The following HMBOX1 variants were observed in gnomAD, a reference collection of about 807,000 sequenced individuals.
The protein encoded by HMBOX1 is homeobox containing 1.
HMBOX1 carries 14 observed loss-of-function variants against 54.5 expected under a neutral mutation model. The observed-to-expected ratio is 0.26, with a 90% confidence interval of 0.17 to 0.40. HMBOX1 has a LOEUF of 0.40. HMBOX1 is among the 10% of genes least tolerant of loss of function. The probability of loss-of-function intolerance (pLI) is 1.00; values close to 1 mark genes in which losing one functional copy is unlikely to be tolerated. For synonymous variants in HMBOX1, 160 were observed against 181.0 expected (o/e 0.88, Z 0.93); for missense variants, 332 against 514.4 (o/e 0.65, Z 3.43).
intron 2 of HMBOX1, among the ~76,000 whole-genome samples, chr8:28,967,252 T>C (rs1294381359): frequency 6.6e-6 from 1 of 152,196 alleles, no homozygotes; most frequent in Non-Finnish European, 1.5e-5. Flanking sequence ...GAACATGTGC[T>C]TGGAAAGAAT....
intron 4 of HMBOX1, among the ~76,000 whole-genome samples, chr8:28,995,938 T>TAA (rs937134553): frequency 6.6e-6 from 1 of 150,478 alleles, no homozygotes; most frequent in Non-Finnish European, 1.5e-5. Context: ...CCGTCTCTAC[T>TAA]AAAAAAAAAT....
intron 1 of HMBOX1, among the ~76,000 whole-genome samples, chr8:28,957,781 C>G (rs1249627929): frequency 6.6e-6 from 1 of 151,910 alleles, no homozygotes; most frequent in African/African-American, 2.4e-5. Context: ...TGCCACCATG[C>G]CCAGCTAATT....
At chr8:28,890,195 C>T (rs1279053653), upstream of HMBOX1, 7 of 387,034 alleles carry the variant, frequency 1.8e-5, no homozygotes, top group Non-Finnish European at 3.4e-5. Flanking sequence ...GGCCTGGGGC[C>T]CATGGTGTTC....
rs372756494 is a variant in HMBOX1 at position 28,945,881 on chromosome 8, T to C, written c.-57-17930T>C. ...GTACAATTTACCCATTTAAAGTATA[T>C]AGGTCAAAGAATTTTACTATATTCA... On this transcript the variant is annotated intron_variant, in intron 1 of 9. Transcript: ENST00000287701. Among the ~76,000 whole-genome samples the C allele has an allele frequency of 4.5e-4, 68 of 151,626 alleles. No homozygotes were observed. In the East Asian group the frequency reaches 0.012, roughly 26 times the overall value.
intron 2 of HMBOX1, among the ~76,000 whole-genome samples, chr8:28,966,996 T>C (rs1826545536): frequency 6.6e-6 from 1 of 152,224 alleles, no homozygotes; most frequent in Non-Finnish European, 1.5e-5. Context: ...ATGTGAGTGC[T>C]GCAGAGCTTT....
intron 6 of HMBOX1, among the ~76,000 whole-genome samples, chr8:29,039,806 C>G (rs1287107763): frequency 6.6e-6 from 1 of 151,942 alleles, no homozygotes; most frequent in East Asian, 1.9e-4. Flanking sequence ...TAGTGTGGTC[C>G]TAGGGTGGCC....
chr8:29,010,222 A>G, intron 5 of HMBOX1: 3 of 802,502 alleles, frequency 3.7e-6, no homozygotes, highest in Non-Finnish European at 4.5e-6. Flanking sequence ...AATTCAAAAG[A>G]CTAACACAGT....
intron 1 of HMBOX1, among the ~76,000 whole-genome samples, chr8:28,922,818 T>C (rs1287962456): frequency 1.3e-5 from 2 of 152,180 alleles, no homozygotes; most frequent in South Asian, 2.1e-4. Flanking sequence ...CAGAGTGTGC[T>C]TTGGTAGCAA....
intron 1 of HMBOX1, among the ~76,000 whole-genome samples, chr8:28,930,928 C>T (rs934953846): frequency 1.3e-5 from 2 of 152,112 alleles, no homozygotes; most frequent in Admixed American, 6.5e-5. Context: ...GAACATGTCA[C>T]CTAGCACCTA....
chr8:28,943,179 G>A, intron 1 of HMBOX1, among the ~76,000 whole-genome samples: 1 of 152,188 alleles, frequency 6.6e-6, no homozygotes, highest in East Asian at 1.9e-4. Flanking sequence ...TAGGGTCTCT[G>A]GCTGGACCCA....
At chr8:29,031,207 G>T (rs1238256369) in intron 6 of HMBOX1, among the ~76,000 whole-genome samples, 2 of 152,134 alleles carry the variant, frequency 1.3e-5, no homozygotes, top group Non-Finnish European at 2.9e-5. Flanking sequence ...ATATCAAAGA[G>T]CCCATGTGTC....
chr8:28,966,662 G>A (rs1413443498), intron 2 of HMBOX1, among the ~76,000 whole-genome samples: 2 of 152,080 alleles, frequency 1.3e-5, no homozygotes, highest in African/African-American at 4.8e-5. Flanking sequence ...AATACACATT[G>A]GAACATTATT....
intron 4 of HMBOX1, among the ~76,000 whole-genome samples, chr8:28,989,010 C>T (rs777718451): frequency 3.9e-5 from 6 of 152,210 alleles, no homozygotes; most frequent in South Asian, 2.1e-4. Context: ...CGGTGGCTCA[C>T]GCCTGTAATC....
intron 1 of HMBOX1, among the ~76,000 whole-genome samples, chr8:28,920,963 A>G (rs866044427): frequency 6.6e-6 from 1 of 152,252 alleles, no homozygotes; most frequent in African/African-American, 2.4e-5. Flanking sequence ...ATGATTTGTA[A>G]TAAGTGGTAC....
intron 1 of HMBOX1, among the ~76,000 whole-genome samples, chr8:28,914,764 T>C (rs1816197185): frequency 6.6e-6 from 1 of 152,254 alleles, no homozygotes; most frequent in Admixed American, 6.5e-5. Context: ...AGAACTTCCT[T>C]GTTAGAATAT....
chr8:28,964,001 G>A, intron 2 of HMBOX1, 111 bp downstream of exon 2: 1 of 775,406 alleles, frequency 1.3e-6, no homozygotes, highest in Non-Finnish European at 2.1e-6. Flanking sequence ...GAGTTGAAAA[G>A]CTTTTTTAGA....
intron 1 of HMBOX1, among the ~76,000 whole-genome samples, chr8:28,948,706 G>C (rs2132099741): frequency 6.6e-6 from 1 of 152,234 alleles, no homozygotes; most frequent in South Asian, 2.1e-4. Flanking sequence ...CCTATGATCA[G>C]ATTTTTTTTC....
At chr8:28,984,218 A>G (rs568941920) in intron 4 of HMBOX1, among the ~76,000 whole-genome samples, 2 of 152,232 alleles carry the variant, frequency 1.3e-5, no homozygotes, top group Non-Finnish European at 2.9e-5. Context: ...TATGTACCTG[A>G]TGAAATCTAC....
At chr8:28,934,572 T>C (rs1820050878) in intron 1 of HMBOX1, among the ~76,000 whole-genome samples, 1 of 152,200 alleles carries the variant, frequency 6.6e-6, no homozygotes, top group African/African-American at 2.4e-5. Flanking sequence ...AGGGATATGT[T>C]TGTAAAAACT....
Sources: allele counts gnomAD v4.1 joint callset (sites outside exome capture counted in the v4.1 genomes callset), GRCh38; gene constraint gnomAD v4.1.1; transcripts MANE v1.5; gene names NCBI Gene and HGNC (gene_info 2026-07-23, HGNC 2026-07-21).